The following CMIP variants were observed in gnomAD, a reference collection of about 807,000 sequenced individuals.
CMIP encodes the protein c-Maf inducing protein.
A neutral mutation model predicts 97.3 loss-of-function variants in CMIP; 13 were observed. The ratio of observed to expected loss-of-function variants is 0.13; its 90% CI spans 0.09 to 0.21. The LOEUF (loss-of-function observed/expected upper bound fraction) is 0.21, where lower values mean the gene tolerates loss of function less well. CMIP is among the 10% of genes least tolerant of loss of function. The pLI is 1.00. For missense variants in CMIP, 847 were observed against 1,024.9 expected (o/e 0.83, Z 2.37); for synonymous variants, 538 against 436.3 (o/e 1.23, Z -2.91).
chr16:81,587,851 G>A (rs761067061), intron 1 of CMIP, among the ~76,000 whole-genome samples: 3 of 152,210 alleles, frequency 2.0e-5, no homozygotes, highest in East Asian at 1.9e-4. Context: ...GCCTCCTGGA[G>A]AAAGGTGGCC....
chr16:81,704,180 A>T (rs1194165530), intron 18 of CMIP, 95 bp downstream of exon 18: 1 of 888,694 alleles, frequency 1.1e-6, no homozygotes, highest in African/African-American at 2.9e-5. Flanking sequence ...CTTTCCCCTC[A>T]GCCTCCTCCC....
intron 1 of CMIP, chr16:81,476,216 T>G (rs1907907175): frequency 7.2e-7 from 1 of 1,379,570 alleles, no homozygotes; most frequent in African/African-American, 1.4e-5. Flanking sequence ...GGTCCAGCAT[T>G]TGCCATGGAC....
At chr16:81,669,330 T>C (rs1356706960) in intron 7 of CMIP, among the ~76,000 whole-genome samples, 1 of 29,948 alleles carries the variant, frequency 3.3e-5, no homozygotes, top group African/African-American at 1.1e-4. Flanking sequence ...ACCCACTTCA[T>C]ACCTCCTTCC....
At chr16:81,572,869 A>C (rs1275897067) in intron 1 of CMIP, among the ~76,000 whole-genome samples, 4 of 152,190 alleles carry the variant, frequency 2.6e-5, no homozygotes, top group Admixed American at 2.6e-4. Flanking sequence ...CACCAGCATC[A>C]GTCCTGCCTC....
At chr16:81,571,613 T>TAAGAA (rs1344567550) in intron 1 of CMIP, among the ~76,000 whole-genome samples, 27 of 127,014 alleles carry the variant, frequency 2.1e-4, no homozygotes, top group African/African-American at 6.7e-4. Flanking sequence ...AAAAAAAAAT[T>TAAGAA]AAGAAAAGAA....
chr16:81,498,707 G>A (rs947324521), intron 1 of CMIP, among the ~76,000 whole-genome samples: 1 of 152,088 alleles, frequency 6.6e-6, no homozygotes, highest in African/African-American at 2.4e-5. Flanking sequence ...CATGTCCTGG[G>A]CCCTGGCATG....
chr16:81,673,517 AAAAT>A (rs139254304), intron 9 of CMIP, among the ~76,000 whole-genome samples: 64,928 of 149,824 alleles, frequency 0.43, 14,259 homozygotes, highest in East Asian at 0.74. Context: ...CTCCTTCTCA[AAAAT>A]AAATAAATAA....
At chr16:81,577,371 A>G (rs1451251515) in intron 1 of CMIP, among the ~76,000 whole-genome samples, 2 of 150,162 alleles carry the variant, frequency 1.3e-5, no homozygotes, top group Non-Finnish European at 2.9e-5. Context: ...CATCATAACC[A>G]TCACCTTCAT....
rs143968734 is a variant in CMIP, at chr16:81,483,156, C to A, written c.300+37615C>A. Among the ~76,000 whole-genome samples the A allele has an allele frequency of 3.4e-3, 524 of 152,276 alleles. 5 individuals are homozygous for A. The highest frequency in any genetic ancestry group is 0.012 in the African/African-American group (493 of 41,552). ...GGGTGTGGCGTCTGTGTGTGGTGGC[C>A]TTTGGAATAGGGTGACCAAAGAAAA... On this transcript the variant is annotated intron_variant, in intron 1 of 20. Coordinates refer to ENST00000537098, the MANE Select transcript of CMIP (RefSeq NM_198390.3).
chr16:81,530,785 C>T (rs2090218442), intron 1 of CMIP, among the ~76,000 whole-genome samples: 1 of 152,314 alleles, frequency 6.6e-6, no homozygotes, highest in Non-Finnish European at 1.5e-5. Flanking sequence ...CACTAAGTGG[C>T]ATTTGTGTGC....
intron 9 of CMIP, among the ~76,000 whole-genome samples, chr16:81,672,936 A>G (rs1156427699): frequency 6.6e-6 from 1 of 152,198 alleles, no homozygotes; most frequent in Admixed American, 6.5e-5. Context: ...GAGCAAGATC[A>G]CAAATTCCCT....
At chr16:81,484,780 C>G (rs1345217879) in intron 1 of CMIP, among the ~76,000 whole-genome samples, 5 of 152,084 alleles carry the variant, frequency 3.3e-5, no homozygotes, top group African/African-American at 1.2e-4. Context: ...GTGTGGGGTT[C>G]ACTCTACCTT....
At chr16:81,554,533 G>A (rs1284208777) in intron 1 of CMIP, among the ~76,000 whole-genome samples, 1 of 152,220 alleles carries the variant, frequency 6.6e-6, no homozygotes, top group Non-Finnish European at 1.5e-5. Flanking sequence ...ACTACCAGGT[G>A]CTTGAGAAGT....
In CMIP at chr16:81,651,553, A is replaced by G. The variant is rs546290536; in HGVS notation, c.478-650A>G. 1.4e-4 allele frequency: 24 copies of G among 177,350 alleles called. No homozygotes were observed. In the East Asian group the frequency reaches 3.8e-3, roughly 28 times the overall value. 11.0% of individuals were successfully genotyped at this position (177,350 alleles called of 1,614,324 possible). ...ATTCCTGGCCTTAATCCTGTCTGTCATGTTCCCTAGCTGACTACCTGTCTT... is the reference window on the plus strand; with the variant it reads ...ATTCCTGGCCTTAATCCTGTCTGTCGTGTTCCCTAGCTGACTACCTGTCTT... On this transcript the variant is annotated intron_variant, in intron 3 of 20. Coordinates refer to ENST00000537098, the MANE Select transcript of CMIP (RefSeq NM_198390.3).
intron 4 of CMIP, among the ~76,000 whole-genome samples, chr16:81,657,161 A>G (rs924923871): frequency 2.0e-5 from 3 of 152,336 alleles, no homozygotes; most frequent in Admixed American, 2.0e-4. Flanking sequence ...TGGGAAGGAA[A>G]CAGGACCCCT....
At chr16:81,572,891 C>G (rs1305596032) in intron 1 of CMIP, among the ~76,000 whole-genome samples, 2 of 152,228 alleles carry the variant, frequency 1.3e-5, no homozygotes, top group African/African-American at 4.8e-5. Flanking sequence ...CAGGAACCCC[C>G]TCCGTCTCAG....
intron 1 of CMIP, among the ~76,000 whole-genome samples, chr16:81,582,593 C>A (rs1325902612): frequency 2.0e-5 from 3 of 152,076 alleles, no homozygotes; most frequent in Non-Finnish European, 4.4e-5. Flanking sequence ...GACCACTTTC[C>A]AGCAAACACT....
chr16:81,471,504 A>C (rs57912627), intron 1 of CMIP, among the ~76,000 whole-genome samples: 10,485 of 152,310 alleles, frequency 0.069, 410 homozygotes, highest in South Asian at 0.13. Flanking sequence ...GCATACATAT[A>C]CACATGTGCA....
At chr16:81,701,897 C>G (rs1907457769) in intron 16 of CMIP, 97 bp downstream of exon 16, 1 of 1,456,012 alleles carries the variant, frequency 6.9e-7, no homozygotes, top group Non-Finnish European at 9.5e-7. Context: ...CTGAGTGGAC[C>G]TCAATCTCGT....
Sources: allele counts gnomAD v4.1 joint callset (sites outside exome capture counted in the v4.1 genomes callset), GRCh38; gene constraint gnomAD v4.1.1; transcripts MANE v1.5; gene names NCBI Gene and HGNC (gene_info 2026-07-23, HGNC 2026-07-21).